TNPO1: variants seen among roughly 807,000 people sequenced by gnomAD.
TNPO1 encodes the protein transportin-1.
In TNPO1, 8 loss-of-function variants were observed where a neutral mutation model predicts 119.5. The observed-to-expected ratio is 0.07, with a 90% CI of 0.04 to 0.12. The LOEUF (loss-of-function observed/expected upper bound fraction) is 0.12, where lower values mean the gene tolerates loss of function less well. TNPO1 is among the 10% of genes least tolerant of loss of function. The pLI is 1.00. For missense variants in TNPO1, 576 were observed against 1,089.8 expected (o/e 0.53, Z 6.64); for synonymous variants, 362 against 363.0 (o/e 1.00, Z 0.03).
intron 9 of TNPO1, among the ~76,000 whole-genome samples, chr5:72,879,683 G>A (rs372235642): frequency 3.6e-4 from 55 of 152,140 alleles, no homozygotes; most frequent in Non-Finnish European, 6.0e-4. Flanking sequence ...TATATAAAAC[G>A]CAGCTGTTTT....
At chr5:72,869,355 C>T (rs567208421) in intron 6 of TNPO1, among the ~76,000 whole-genome samples, 10 of 151,864 alleles carry the variant, frequency 6.6e-5, no homozygotes, top group East Asian at 1.9e-4. Flanking sequence ...GAGACCAGCC[C>T]GGCCAACATG....
intron 1 of TNPO1, among the ~76,000 whole-genome samples, chr5:72,835,394 T>C (rs1442267614): frequency 6.6e-6 from 1 of 152,132 alleles, no homozygotes; most frequent in African/African-American, 2.4e-5. Context: ...TTTCTCATAG[T>C]AGTACACAGC....
At chr5:72,873,523 G>T (rs921964590) in intron 7 of TNPO1, among the ~76,000 whole-genome samples, 5 of 151,992 alleles carry the variant, frequency 3.3e-5, no homozygotes, top group Admixed American at 6.5e-5. Flanking sequence ...AGATCCTTTA[G>T]CCATTTACAA....
At chr5:72,831,045 G>C (rs1011324951) in intron 1 of TNPO1, among the ~76,000 whole-genome samples, 1 of 151,890 alleles carries the variant, frequency 6.6e-6, no homozygotes, top group Non-Finnish European at 1.5e-5. Flanking sequence ...AGTTTTCTTC[G>C]GCAGAAAAAT....
intron 6 of TNPO1, among the ~76,000 whole-genome samples, 195 bp from the exon 7 acceptor site, chr5:72,872,444 T>A (rs578143131): frequency 6.6e-6 from 1 of 152,348 alleles, no homozygotes; most frequent in South Asian, 2.1e-4. Flanking sequence ...TACATATTGC[T>A]CTGCAGCTTG....
chr5:72,837,940 C>G (rs1185289134), intron 1 of TNPO1, among the ~76,000 whole-genome samples: 2 of 152,166 alleles, frequency 1.3e-5, no homozygotes. Context: ...AGGAACTAAA[C>G]TTGTAAAAAT....
intron 1 of TNPO1, among the ~76,000 whole-genome samples, chr5:72,821,326 A>G (rs1743948301): frequency 2.0e-5 from 3 of 152,194 alleles, no homozygotes; most frequent in Admixed American, 1.3e-4. Context: ...AGGAAGGATA[A>G]GATTCCACCA....
chr5:72,864,585 CT>C (rs931865787), intron 5 of TNPO1, among the ~76,000 whole-genome samples: 33 of 150,980 alleles, frequency 2.2e-4, no homozygotes, highest in African/African-American at 7.5e-4. Flanking sequence ...ATGTAAGTAA[CT>C]TTTTTTTTCT....
At chr5:72,881,708 G>T (rs1217825521) in intron 9 of TNPO1, among the ~76,000 whole-genome samples, 1 of 152,290 alleles carries the variant, frequency 6.6e-6, no homozygotes, top group East Asian at 1.9e-4. Flanking sequence ...CGTAAAGAAA[G>T]CAGGTGACCC....
Position 72,888,276 on chromosome 5 carries a change from A to G in TNPO1, c.1502A>G (p.Asn501Ser), listed in dbSNP as rs1387863899. 2 of 1,614,166 alleles carry G rather than the reference A, an allele frequency of 1.2e-6. No individual in the cohort carries two copies. Among genetic ancestry groups the G allele is most frequent in the Non-Finnish European group, 1.7e-6 (2 of 1,180,020 alleles). The change falls in exon 13 of 25, where the codon AAC becomes AGC. Residue 501 changes from asparagine (N) to serine (S), a missense_variant. Physicochemically the swap from Asn to Ser is conservative, Grantham distance 46. This residue lies in a region of TNPO1 where 310 missense variants were observed against 583.0 expected (regional missense o/e 0.53). Coordinates refer to ENST00000337273, the MANE Select transcript of TNPO1 (RefSeq NM_002270.4). Reference protein sequence around the residue: ...TELLKRILDSNKRVQEAACSA... With the variant: ...TELLKRILDSSKRVQEAACSA... ...TTGCTAAAGCGCATCCTGGACAGCA[A>G]CAAGAGAGTACAAGAAGCTGCCTGC...
chr5:72,877,152 G>C lies in TNPO1; in HGVS notation c.802-76G>C, dbSNP rs897093448. ...TTGAAAACCATAAGGTCAAAAGCTT[G>C]CTTGATAATAGGACTGAATTGATAC... On this transcript the variant is annotated intron_variant, in intron 8 of 24. Coordinates refer to ENST00000337273, the MANE Select transcript of TNPO1 (RefSeq NM_002270.4). 3 of 716,852 alleles carry C rather than the reference G, an allele frequency of 4.2e-6. No individual in the cohort carries two copies. The African/African-American group carries it at 5.5e-5, about 13-fold the overall frequency. The allele number at this position is 716,852 out of a possible 1,614,324, so 44.4% of individuals were successfully genotyped here.
At position 72,906,275 on chromosome 5, in the gene TNPO1, C is replaced by CTTTTTTTTT. The variant is rs869051297; in HGVS notation, c.*35+860_*35+868dup. ...CCATGTGCCCATCACTTTTTTTTTT[C>CTTTTTTTTT]TTTTTTTTTTTTTTTTTTTTTTTTT... On this transcript the variant is annotated intron_variant, in intron 24 of 24. Coordinates refer to ENST00000337273, the MANE Select transcript of TNPO1 (RefSeq NM_002270.4). Among the ~76,000 whole-genome samples the CTTTTTTTTT allele has an allele frequency of 1.3e-3, 73 of 54,698 alleles. 13 individuals are homozygous for CTTTTTTTTT. The highest frequency in any genetic ancestry group is 2.2e-3 in the African/African-American group (33 of 14,702). The allele number at this position is 54,698 out of a possible 152,430, so 35.9% of individuals were successfully genotyped here. A position where few individuals can be genotyped will look rare whatever the true frequency, so the allele number is the denominator to read the frequency against.
chr5:72,898,450 T>C lies in TNPO1; in HGVS notation c.2338+1299T>C, dbSNP rs138047688. On this transcript the variant is annotated intron_variant, in intron 20 of 24. Coordinates refer to ENST00000337273, the MANE Select transcript of TNPO1 (RefSeq NM_002270.4). ...CTAAAGTTGATGGATTAAATTGATA[T>C]TATTGAGAAACACACTTGGGATTCA... Among the ~76,000 whole-genome samples the C allele has an allele frequency of 2.3e-3, 352 of 152,258 alleles. 3 individuals are homozygous for C. Among genetic ancestry groups the C allele is most frequent in the African/African-American group, 8.0e-3 (332 of 41,562 alleles).
At chr5:72,881,809 T>C (rs1319287421) in intron 9 of TNPO1, among the ~76,000 whole-genome samples, 1 of 152,176 alleles carries the variant, frequency 6.6e-6, no homozygotes, top group Non-Finnish European at 1.5e-5. Flanking sequence ...TAGTATAAAT[T>C]TTTCTTATAC....
chr5:72,903,156 G>A (rs1013380172), intron 22 of TNPO1, among the ~76,000 whole-genome samples: 1 of 151,876 alleles, frequency 6.6e-6, no homozygotes, highest in Non-Finnish European at 1.5e-5. Context: ...CCAAAAGTTG[G>A]GTTTTTTGTT....
chr5:72,851,374 T>C lies in TNPO1; in HGVS notation c.205+55T>C, dbSNP rs1209663729. On this transcript the variant is annotated intron_variant, in intron 3 of 24. Coordinates refer to ENST00000337273, the MANE Select transcript of TNPO1 (RefSeq NM_002270.4). ...AAAGTTTCTTTAAGACCTGTTTAAA[T>C]GTACTGAGAATTATTCATTTCAAAG... The C allele has an allele frequency of 2.4e-5, 24 of 1,018,390 alleles. No homozygotes were observed. In the Admixed American group the frequency reaches 4.1e-4, roughly 17 times the overall value. 63.1% of individuals were successfully genotyped at this position (1,018,390 alleles called of 1,614,324 possible).
chr5:72,884,964 T>C (rs1030369178), intron 11 of TNPO1, among the ~76,000 whole-genome samples: 1 of 152,226 alleles, frequency 6.6e-6, no homozygotes, highest in Non-Finnish European at 1.5e-5. Context: ...TTGGGATTTC[T>C]AATAACTATG....
At chr5:72,849,034 CCA>C (rs1745342280) in intron 2 of TNPO1, among the ~76,000 whole-genome samples, 1 of 151,682 alleles carries the variant, frequency 6.6e-6, no homozygotes, top group Non-Finnish European at 1.5e-5. Flanking sequence ...GGGGGTTTTT[CCA>C]CGTCCTTGCC....
intron 1 of TNPO1, among the ~76,000 whole-genome samples, chr5:72,835,706 G>GC (rs889157425): frequency 1.3e-5 from 2 of 152,120 alleles, no homozygotes; most frequent in South Asian, 2.1e-4. Flanking sequence ...TCTGCCCCTG[G>GC]CCCCCCAAAA....
Sources: gnomAD v4.1 joint callset for allele counts (sites outside exome capture counted in the v4.1 genomes callset) on GRCh38, gnomAD v4.1.1 for gene constraint, gnomAD v4.1.1 regional missense constraint, MANE v1.5 for transcripts, NCBI Gene and HGNC (gene_info 2026-07-23, HGNC 2026-07-21) for gene names.